KCND2: variants seen among roughly 807,000 people sequenced by gnomAD.
The protein encoded by KCND2 is potassium voltage-gated channel subfamily D member 2, also known as A-type voltage-gated potassium channel KCND2.
Under a neutral mutation model 54.4 loss-of-function variants are expected in KCND2, and 16 were observed. The ratio of observed to expected loss-of-function variants is 0.29; its 90% confidence interval spans 0.20 to 0.45. The LOEUF is 0.45. KCND2 is among the 20% of genes least tolerant of loss of function. The pLI is 1.00. For missense variants in KCND2, 486 were observed against 824.2 expected (o/e 0.59, Z 5.02); for synonymous variants, 317 against 310.7 (o/e 1.02, Z -0.21).
chr7:120,432,248 C>A (rs1801801655), intron 1 of KCND2, among the ~76,000 whole-genome samples: 1 of 152,150 alleles, frequency 6.6e-6, no homozygotes, highest in Non-Finnish European at 1.5e-5. Flanking sequence ...TTCTAGTGTA[C>A]TAATATCTCC....
Position 120,274,499 on chromosome 7 carries a change from G to C in KCND2, c.-134G>C, listed in dbSNP as rs975304816. 7.2e-6 allele frequency: 7 copies of C among 965,682 alleles called. No homozygotes were observed. The highest frequency in any genetic ancestry group is 1.2e-5 in the Non-Finnish European group (7 of 605,084). The allele number at this position is 965,682 out of a possible 1,614,324, so 59.8% of individuals were successfully genotyped here. A position where few individuals can be genotyped will look rare whatever the true frequency, so the allele number is the denominator to read the frequency against. On this transcript the variant is annotated 5_prime_UTR_variant, in exon 1 of 6. Coordinates refer to ENST00000331113, the MANE Select transcript of KCND2 (RefSeq NM_012281.3). ...TGACTTTACCAGGAGCCCTATCTTG[G>C]AATAAGAGTTACACCTCTGGACCAC...
intron 1 of KCND2, among the ~76,000 whole-genome samples, chr7:120,535,589 C>T (rs1426853553): frequency 6.6e-6 from 1 of 152,122 alleles, no homozygotes; most frequent in African/African-American, 2.4e-5. Flanking sequence ...CAGAAGCCTG[C>T]CTCCCACTGC....
rs73722575 is a variant in KCND2 at position 120,339,683 on chromosome 7, G to A, written c.1115+63936G>A. On this transcript the variant is annotated intron_variant, in intron 1 of 5. Coordinates refer to ENST00000331113, the MANE Select transcript of KCND2 (RefSeq NM_012281.3). ...GGTTACATTAGGGAAACCCACACAC[G>A]TGCGCACATAGACATGTGCACACAC... Among the ~76,000 whole-genome samples, 796 of 152,150 alleles carry A rather than the reference G, an allele frequency of 5.2e-3. 9 individuals are homozygous for A. The highest frequency in any genetic ancestry group is 0.018 in the African/African-American group (739 of 41,476).
rs62469911 is a variant in KCND2, at chr7:120,679,150, G to A, written c.1116-53753G>A. ...TTTATCACCCTACTTGTCCCATAAA[G>A]ATTCTTGAGATTTTTATTGAAAGAA... On this transcript the variant is annotated intron_variant, in intron 1 of 5. Transcript: ENST00000331113. Among the ~76,000 whole-genome samples the A allele has an allele frequency of 4.8e-3, 733 of 151,806 alleles. 5 individuals are homozygous for A. The highest frequency in any genetic ancestry group is 8.3e-3 in the Non-Finnish European group (561 of 67,806).
rs567129182 is a variant in KCND2, at chr7:120,718,289, C to T, written c.1116-14614C>T. Among the ~76,000 whole-genome samples the T allele has an allele frequency of 2.6e-5, 4 of 152,242 alleles. No homozygotes were observed. The South Asian group carries it at 6.2e-4, about 24-fold the overall frequency. The stretch of plus-strand genomic sequence containing the variant: ...TAACCTTTCCAAAGTGAGTTGATTA[C>T]ACAATGATTGTTCCTTCAAAGTCAG... On this transcript the variant is annotated intron_variant, in intron 1 of 5. Transcript: ENST00000331113.
At chr7:120,440,755 A>G (rs1801935452) in intron 1 of KCND2, among the ~76,000 whole-genome samples, 2 of 151,776 alleles carry the variant, frequency 1.3e-5, no homozygotes, top group Admixed American at 6.6e-5. Context: ...CCCTTCCCCA[A>G]CTGGTAAGCT....
At chr7:120,390,689 T>C (rs1177998800) in intron 1 of KCND2, among the ~76,000 whole-genome samples, 1 of 152,010 alleles carries the variant, frequency 6.6e-6, no homozygotes, top group Non-Finnish European at 1.5e-5. Context: ...TTTCCTTCAT[T>C]TTGTTTATCA....
At chr7:120,567,824 G>A (rs1335044438) in intron 1 of KCND2, among the ~76,000 whole-genome samples, 2 of 151,992 alleles carry the variant, frequency 1.3e-5, no homozygotes, top group Admixed American at 6.6e-5. Context: ...AAAAGAAAAC[G>A]AATCTTTAGG....
At chr7:120,725,304 T>C (rs942047406) in intron 1 of KCND2, among the ~76,000 whole-genome samples, 1 of 152,204 alleles carries the variant, frequency 6.6e-6, no homozygotes, top group African/African-American at 2.4e-5. Context: ...ATTAAGGGTT[T>C]CTTATTTAAA....
intron 1 of KCND2, among the ~76,000 whole-genome samples, chr7:120,681,435 A>G (rs1190628346): frequency 6.6e-6 from 1 of 152,024 alleles, no homozygotes; most frequent in Non-Finnish European, 1.5e-5. Context: ...CCAACTAAAC[A>G]CATGTGCTCT....
chr7:120,611,591 A>G (rs1215289863), intron 1 of KCND2, among the ~76,000 whole-genome samples: 1 of 152,166 alleles, frequency 6.6e-6, no homozygotes, highest in African/African-American at 2.4e-5. Context: ...GAAAACCCTG[A>G]TTGAATTGGT....
At chr7:120,570,415 T>TA (rs1562875847) in intron 1 of KCND2, among the ~76,000 whole-genome samples, 9 of 148,518 alleles carry the variant, frequency 6.1e-5, no homozygotes, top group African/African-American at 2.2e-4. Context: ...CTATAAAAAG[T>TA]TAAAAAAAAA....
At chr7:120,452,868 C>A (rs539604020) in intron 1 of KCND2, among the ~76,000 whole-genome samples, 1 of 152,166 alleles carries the variant, frequency 6.6e-6, no homozygotes, top group Non-Finnish European at 1.5e-5. Flanking sequence ...TAGAGCAGGG[C>A]GGTCATGCCC....
chr7:120,721,145 C>G (rs1025985876), intron 1 of KCND2, among the ~76,000 whole-genome samples: 8 of 152,144 alleles, frequency 5.3e-5, no homozygotes, highest in Admixed American at 3.9e-4. Context: ...AGCAGGTGTA[C>G]TTTTTGGGTC....
intron 1 of KCND2, among the ~76,000 whole-genome samples, chr7:120,702,933 T>TAAAA (rs1473411270): frequency 1.3e-5 from 2 of 152,058 alleles, no homozygotes; most frequent in African/African-American, 4.8e-5. Flanking sequence ...GAATTTAAAA[T>TAAAA]AAAAGTTAAA....
chr7:120,383,139 G>C (rs865875228), intron 1 of KCND2, among the ~76,000 whole-genome samples: 6 of 151,962 alleles, frequency 3.9e-5, no homozygotes, highest in Non-Finnish European at 7.4e-5. Context: ...AATTAATTCT[G>C]AGTGATATCC....
chr7:120,662,181 G>A (rs1431718023), intron 1 of KCND2, among the ~76,000 whole-genome samples: 1 of 152,074 alleles, frequency 6.6e-6, no homozygotes, highest in African/African-American at 2.4e-5. Flanking sequence ...CAAGATAGTA[G>A]AGGTAAAATT....
intron 1 of KCND2, among the ~76,000 whole-genome samples, chr7:120,280,224 G>C (rs941102363): frequency 3.9e-5 from 6 of 152,010 alleles, no homozygotes; most frequent in East Asian, 1.9e-4. Flanking sequence ...GAAATGTAGA[G>C]AAATGTGGTA....
chr7:120,307,193 G>A (rs1239681206), intron 1 of KCND2, among the ~76,000 whole-genome samples: 1 of 151,216 alleles, frequency 6.6e-6, no homozygotes, highest in Non-Finnish European at 1.5e-5. Flanking sequence ...AAACCCCTTT[G>A]TTTAACTTCA....
Sources: gnomAD v4.1 joint callset for allele counts (sites outside exome capture counted in the v4.1 genomes callset) on GRCh38, gnomAD v4.1.1 for gene constraint, MANE v1.5 for transcripts, NCBI Gene and HGNC (gene_info 2026-07-23, HGNC 2026-07-21) for gene names.